Variants in ATP11B observed in about 807,000 individuals in gnomAD.
ATP11B encodes the protein phospholipid-transporting ATPase IF.
In ATP11B, 81 loss-of-function variants were observed where a neutral mutation model predicts 157.8. The observed-to-expected ratio is 0.51, with a 90% CI of 0.43 to 0.62. The LOEUF is 0.62. Ranked by LOEUF, ATP11B falls within the 20% of genes least tolerant of loss-of-function variation. The pLI is 0.00. For missense variants in ATP11B, 1,165 were observed against 1,402.2 expected, an observed-to-expected ratio of 0.83 and a Z score of 2.70; for synonymous variants, 451 against 469.4, an observed-to-expected ratio of 0.96 and a Z score of 0.51.
intron 12 of ATP11B, among the ~76,000 whole-genome samples, chr3:182,863,726 T>C (rs1721025460): frequency 6.6e-6 from 1 of 151,920 alleles, no homozygotes; most frequent in Admixed American, 6.5e-5. Flanking sequence ...TATATACTTT[T>C]AAATCAAAGT....
intron 25 of ATP11B, among the ~76,000 whole-genome samples, chr3:182,893,676 A>G (rs1162989889): frequency 2.6e-5 from 4 of 152,148 alleles, no homozygotes; most frequent in Non-Finnish European, 4.4e-5. Context: ...TCTTTTTTGT[A>G]TAATGACTTC....
chr3:182,861,323 C>T (rs897740854), intron 12 of ATP11B, among the ~76,000 whole-genome samples: 1 of 152,146 alleles, frequency 6.6e-6, no homozygotes, highest in South Asian at 2.1e-4. Context: ...CCTTGGCCTC[C>T]CAAAGTGCTG....
At chr3:182,896,669 CGTAAT>C (rs779784178) in intron 25 of ATP11B, 26 bp from the exon 26 acceptor site, 10 of 1,550,564 alleles carry the variant, frequency 6.4e-6, no homozygotes, top group Non-Finnish European at 8.0e-6. Context: ...TATGTTAACA[CGTAAT>C]GTAATAGTGT....
At position 182,897,247 on chromosome 3, in the gene ATP11B, G is replaced by A. The variant is rs1278369930; in HGVS notation, c.3049-56G>A. On this transcript the variant is annotated intron_variant, in intron 26 of 29. Coordinates refer to ENST00000323116, the MANE Select transcript of ATP11B (RefSeq NM_014616.3). ...TTTATTCTTGAGTTTCATCTGAAAG[G>A]TTAAGGTAAAGCTTTATTTGTTTAT... 5 of 987,238 alleles carry A rather than the reference G, an allele frequency of 5.1e-6. No homozygotes were observed. The African/African-American group carries it at 6.8e-5, about 13-fold the overall frequency. 61.2% of individuals were successfully genotyped at this position (987,238 alleles called of 1,614,324 possible). A position where few individuals can be genotyped will look rare whatever the true frequency, so the allele number is the denominator to read the frequency against.
intron 1 of ATP11B, among the ~76,000 whole-genome samples, chr3:182,817,415 G>A (rs1222306741): frequency 6.6e-6 from 1 of 151,972 alleles, no homozygotes; most frequent in African/African-American, 2.4e-5. Context: ...CAAATAGCTG[G>A]GACTACAGGT....
chr3:182,846,934 T>G (rs1320090266), intron 9 of ATP11B, among the ~76,000 whole-genome samples: 1 of 152,130 alleles, frequency 6.6e-6, no homozygotes, highest in African/African-American at 2.4e-5. Flanking sequence ...TTTAAACTGG[T>G]AAATACATAT....
At chr3:182,910,904 A>C (rs1001923976) in intron 28 of ATP11B, among the ~76,000 whole-genome samples, 1 of 152,240 alleles carries the variant, frequency 6.6e-6, no homozygotes, top group Non-Finnish European at 1.5e-5. Context: ...TTACAAATAC[A>C]ATAAAAATGA....
chr3:182,857,241 G>T (rs1282443588), intron 10 of ATP11B, among the ~76,000 whole-genome samples: 1 of 152,200 alleles, frequency 6.6e-6, no homozygotes, highest in Admixed American at 6.5e-5. Context: ...TGCCTCCCGA[G>T]TTCATGCCAT....
chr3:182,885,372 C>T (rs1191854813), intron 22 of ATP11B, among the ~76,000 whole-genome samples: 5 of 152,044 alleles, frequency 3.3e-5, no homozygotes, highest in African/African-American at 1.2e-4. Flanking sequence ...ATTAAGAGCC[C>T]CTGTTACCAA....
chr3:182,814,622 A>G (rs1240482319), intron 1 of ATP11B, among the ~76,000 whole-genome samples: 3 of 152,072 alleles, frequency 2.0e-5, no homozygotes, highest in African/African-American at 4.8e-5. Context: ...AGCCTGGGCA[A>G]CACAGTGAGA....
intron 10 of ATP11B, among the ~76,000 whole-genome samples, chr3:182,855,420 A>C (rs1204082208): frequency 6.6e-6 from 1 of 152,202 alleles, no homozygotes; most frequent in Non-Finnish European, 1.5e-5. Flanking sequence ...ATTTAATGTA[A>C]AACAAACTTT....
At chr3:182,808,427 A>T (rs1716459236) in intron 1 of ATP11B, among the ~76,000 whole-genome samples, 1 of 152,170 alleles carries the variant, frequency 6.6e-6, no homozygotes, top group African/African-American at 2.4e-5. Context: ...GCCAATGTTG[A>T]TCAACATTTT....
At chr3:182,807,657 T>C (rs1416108035) in intron 1 of ATP11B, among the ~76,000 whole-genome samples, 1 of 152,182 alleles carries the variant, frequency 6.6e-6, no homozygotes, top group East Asian at 1.9e-4. Context: ...TTTTATCATA[T>C]CCATAAGGAA....
At chr3:182,890,800 G>A (rs894030443) in intron 25 of ATP11B, among the ~76,000 whole-genome samples, 27 of 152,050 alleles carry the variant, frequency 1.8e-4, no homozygotes, top group African/African-American at 2.4e-4. Context: ...ATTAATTTTC[G>A]CATGTTAGAA....
chr3:182,878,881 GA>G (rs1290948383), intron 19 of ATP11B, among the ~76,000 whole-genome samples: 1 of 151,944 alleles, frequency 6.6e-6, no homozygotes, highest in Non-Finnish European at 1.5e-5. Flanking sequence ...ATTTTTGTAA[GA>G]CTTTTCATCT....
chr3:182,805,625 CTTT>C (rs71183648), intron 1 of ATP11B, among the ~76,000 whole-genome samples: 1 of 140,210 alleles, frequency 7.1e-6, no homozygotes, highest in Non-Finnish European at 1.5e-5. Context: ...CAGCTAATTT[CTTT>C]TTTTTTTTTT....
At chr3:182,849,697 A>C (rs1719815139) in intron 10 of ATP11B, among the ~76,000 whole-genome samples, 1 of 152,212 alleles carries the variant, frequency 6.6e-6, no homozygotes, top group South Asian at 2.1e-4. Context: ...CAAATTACTC[A>C]GTCGAAGAAT....
intron 27 of ATP11B, 116 bp from the exon 28 acceptor site, chr3:182,898,491 A>G (rs1021680578): frequency 5.3e-5 from 35 of 658,716 alleles, no homozygotes; most frequent in Non-Finnish European, 8.0e-5. Flanking sequence ...TACTGATTTC[A>G]GTTTTGAACA....
intron 9 of ATP11B, among the ~76,000 whole-genome samples, chr3:182,848,182 C>G (rs541170269): frequency 6.6e-6 from 1 of 152,142 alleles, no homozygotes; most frequent in Non-Finnish European, 1.5e-5. Flanking sequence ...TTTTATCTTT[C>G]CAGATTCTTT....
Sources: allele counts gnomAD v4.1 joint callset (sites outside exome capture counted in the v4.1 genomes callset), GRCh38; gene constraint gnomAD v4.1.1; transcripts MANE v1.5; gene names NCBI Gene and HGNC (gene_info 2026-07-23, HGNC 2026-07-21).